ELAVL2: variants seen among roughly 807,000 people sequenced by gnomAD.
ELAVL2 encodes ELAV-like protein 2.
A neutral mutation model predicts 34.6 loss-of-function variants in ELAVL2; 4 were observed. The observed-to-expected ratio is 0.12, with a 90% confidence interval of 0.06 to 0.26. ELAVL2 has a LOEUF of 0.26. Ranked by LOEUF, ELAVL2 falls within the 10% of genes least tolerant of loss-of-function variation. The probability of loss-of-function intolerance (pLI) is 1.00; values close to 1 mark genes in which losing one functional copy is unlikely to be tolerated. For missense variants in ELAVL2, 432 were observed against 442.8 expected (o/e 0.98, Z 0.22); for synonymous variants, 193 against 154.8 (o/e 1.25, Z -1.83).
chr9:23,707,833 G>T (rs192537735), intron 3 of ELAVL2, among the ~76,000 whole-genome samples: 195 of 152,110 alleles, frequency 1.3e-3, no homozygotes, highest in Admixed American at 3.4e-3. Flanking sequence ...TGAAAATTTA[G>T]GTAAATGCCC....
intron 3 of ELAVL2, among the ~76,000 whole-genome samples, chr9:23,726,193 T>C (rs1375236992): frequency 1.3e-5 from 2 of 152,122 alleles, no homozygotes; most frequent in Non-Finnish European, 2.9e-5. Flanking sequence ...ACAGGTTTCT[T>C]AGGTTTGCTT....
chr9:23,800,505 C>G, intron 1 of ELAVL2, among the ~76,000 whole-genome samples: 1 of 152,152 alleles, frequency 6.6e-6, no homozygotes, highest in Non-Finnish European at 1.5e-5. Flanking sequence ...GCCCCCTTCC[C>G]TCTTATTCAA....
At chr9:23,807,661 T>C (rs2062414294) in intron 1 of ELAVL2, among the ~76,000 whole-genome samples, 9 of 152,114 alleles carry the variant, frequency 5.9e-5, no homozygotes, top group Admixed American at 5.9e-4. Flanking sequence ...AGGGATTATC[T>C]AAAAGGTCAT....
chr9:23,837,600 T>C, the ELAVL2 span, among the ~76,000 whole-genome samples: 3 of 152,178 alleles, frequency 2.0e-5, no homozygotes, highest in South Asian at 6.2e-4. Context: ...AGAGCTGGGA[T>C]TTCGCCCTAA....
chr9:23,734,765 T>C (rs1480215258), intron 2 of ELAVL2, among the ~76,000 whole-genome samples: 1 of 152,062 alleles, frequency 6.6e-6, no homozygotes, highest in African/African-American at 2.4e-5. Context: ...TGCATATTTC[T>C]GGTTATAAAT....
chr9:23,735,381 G>C (rs570711242), intron 2 of ELAVL2: 1 of 152,152 alleles, frequency 6.6e-6, no homozygotes, highest in Non-Finnish European at 1.5e-5. Flanking sequence ...GGGTTCAAGC[G>C]ATTCTTCTGC....
chr9:23,742,456 G>C (rs968695120), intron 2 of ELAVL2, among the ~76,000 whole-genome samples: 2 of 152,184 alleles, frequency 1.3e-5, no homozygotes, highest in Non-Finnish European at 2.9e-5. Context: ...ACAATATGGT[G>C]ACATCAAGTT....
At chr9:23,716,341 CTT>C (rs754585676) in intron 3 of ELAVL2, among the ~76,000 whole-genome samples, 9 of 152,122 alleles carry the variant, frequency 5.9e-5, no homozygotes, top group Non-Finnish European at 1.2e-4. Context: ...TATAAAAAAA[CTT>C]TGTTTTTGTA....
chr9:23,845,958 A>C, the ELAVL2 span, among the ~76,000 whole-genome samples: 7 of 151,870 alleles, frequency 4.6e-5, no homozygotes, highest in Non-Finnish European at 1.0e-4. Flanking sequence ...GATGTCCTTA[A>C]ACATTTTTTC....
chr9:23,843,627 T>C, the ELAVL2 span, among the ~76,000 whole-genome samples: 1 of 152,208 alleles, frequency 6.6e-6, no homozygotes, highest in East Asian at 1.9e-4. Flanking sequence ...TATTTTAAAA[T>C]ATTTTCATAT....
intron 5 of ELAVL2, among the ~76,000 whole-genome samples, chr9:23,695,637 C>T (rs529079409): frequency 2.0e-4 from 31 of 152,204 alleles, no homozygotes; most frequent in African/African-American, 7.2e-4. Flanking sequence ...ATGGTATGGG[C>T]TATGGCTCCC....
chr9:23,705,183 G>T lies in ELAVL2; in HGVS notation c.334-112C>A, dbSNP rs1312521887. ...CCCATGAACAGCATAGAACACTGAA[G>T]TTCAAGCAAGTCAGGTGCTAACTGC... On this transcript the variant is annotated intron_variant, in intron 3 of 6. Coordinates refer to ENST00000397312, the MANE Select transcript of ELAVL2 (RefSeq NM_004432.5). The T allele has an allele frequency of 3.3e-6, 4 of 1,219,420 alleles. No homozygotes were observed. In the African/African-American group the frequency reaches 4.6e-5, roughly 14 times the overall value. 75.5% of individuals were successfully genotyped at this position (1,219,420 alleles called of 1,614,324 possible).
chr9:23,815,141 A>C (rs1413923222), intron 1 of ELAVL2, among the ~76,000 whole-genome samples: 1 of 152,200 alleles, frequency 6.6e-6, no homozygotes, highest in Non-Finnish European at 1.5e-5. Flanking sequence ...ATAAAATTCA[A>C]ATCAGAGAAA....
intron 4 of ELAVL2, 106 bp downstream of exon 4, chr9:23,704,812 C>A (rs2038765078): frequency 7.0e-7 from 1 of 1,427,958 alleles, no homozygotes; most frequent in South Asian, 1.3e-5. Context: ...CCCACATATA[C>A]CTTTGATATG....
At chr9:23,703,465 G>C (rs1160534569) in intron 4 of ELAVL2, among the ~76,000 whole-genome samples, 1 of 152,078 alleles carries the variant, frequency 6.6e-6, no homozygotes, top group African/African-American at 2.4e-5. Context: ...ACTCTCACTT[G>C]ACTAAATAGT....
chr9:23,726,740 T>A (rs2045286605), intron 3 of ELAVL2, among the ~76,000 whole-genome samples: 2 of 152,142 alleles, frequency 1.3e-5, no homozygotes, highest in Admixed American at 1.3e-4. Flanking sequence ...TAATCATGAA[T>A]TTAAGTCTGA....
At chr9:23,788,000 TA>T (rs1244150387) in intron 1 of ELAVL2, among the ~76,000 whole-genome samples, 3 of 152,086 alleles carry the variant, frequency 2.0e-5, no homozygotes, top group Non-Finnish European at 2.9e-5. Context: ...AAGCAGTGAT[TA>T]AAAAGGCGCA....
At chr9:23,735,541 T>C (rs564327154) in intron 2 of ELAVL2, 1 of 152,102 alleles carries the variant, frequency 6.6e-6, no homozygotes, top group Non-Finnish European at 1.5e-5. Context: ...GGCCTCCCAA[T>C]GTGCTGGGAT....
chr9:23,826,647 C>G (rs1330512296), upstream of ELAVL2, among the ~76,000 whole-genome samples: 7 of 152,212 alleles, frequency 4.6e-5, no homozygotes, highest in Non-Finnish European at 1.0e-4. Context: ...ATGGCACGAT[C>G]TCCTTTCCTC....
Sources: gnomAD v4.1 joint callset for allele counts (sites outside exome capture counted in the v4.1 genomes callset) on GRCh38, gnomAD v4.1.1 for gene constraint, MANE v1.5 for transcripts, NCBI Gene and HGNC (gene_info 2026-07-23, HGNC 2026-07-21) for gene names.